The following ANKRD45 variants were observed in gnomAD, a reference collection of about 807,000 sequenced individuals.
ANKRD45 encodes the protein ankyrin repeat domain 45.
A neutral mutation model predicts 28.1 loss-of-function variants in ANKRD45; 21 were observed. The ratio of observed to expected loss-of-function variants is 0.75; its 90% confidence interval spans 0.53 to 1.08. The LOEUF (loss-of-function observed/expected upper bound fraction) is 1.08, where lower values mean the gene tolerates loss of function less well. ANKRD45 is among the 50% of genes least tolerant of loss of function. The pLI is 0.00. For synonymous variants in ANKRD45, 86 were observed against 103.9 expected, an observed-to-expected ratio of 0.83 and a Z score of 1.05; for missense variants, 261 against 308.7, an observed-to-expected ratio of 0.85 and a Z score of 1.16.
intron 2 of ANKRD45, among the ~76,000 whole-genome samples, chr1:173,649,029 C>G (rs1158803491): frequency 3.3e-5 from 5 of 152,084 alleles, no homozygotes; most frequent in Admixed American, 3.3e-4. Context: ...ATTTTTGTCT[C>G]AATATTTTTA....
chr1:173,701,050 C>T, the ANKRD45 span, among the ~76,000 whole-genome samples: 1 of 152,220 alleles, frequency 6.6e-6, no homozygotes, highest in African/African-American at 2.4e-5. Flanking sequence ...TTTCTGCAGC[C>T]AGCAGACACA....
chr1:173,665,377 G>A (rs1172381745), intron 1 of ANKRD45, among the ~76,000 whole-genome samples: 1 of 151,982 alleles, frequency 6.6e-6, no homozygotes, highest in Non-Finnish European at 1.5e-5. Context: ...TTATTCCTAT[G>A]CAAGGTATGA....
intron 2 of ANKRD45, among the ~76,000 whole-genome samples, chr1:173,655,559 C>T (rs1354366543): frequency 6.6e-6 from 1 of 152,198 alleles, no homozygotes; most frequent in Non-Finnish European, 1.5e-5. Context: ...CCCAGTTAGG[C>T]TACATGGGGA....
At chr1:173,635,942 C>T (rs1668420033) in intron 3 of ANKRD45, 7 of 937,036 alleles carry the variant, frequency 7.5e-6, no homozygotes, top group Non-Finnish European at 1.1e-5. Context: ...GTGTTTTATT[C>T]CTCATTGTAA....
At chr1:173,666,653 A>G (rs1670032063) in intron 1 of ANKRD45, among the ~76,000 whole-genome samples, 1 of 152,182 alleles carries the variant, frequency 6.6e-6, no homozygotes, top group Non-Finnish European at 1.5e-5. Context: ...TGTTTTTTCA[A>G]AAAATTTTAG....
intron 3 of ANKRD45, 62 bp from the exon 4 acceptor site, chr1:173,627,221 T>C: frequency 8.8e-7 from 1 of 1,133,874 alleles, no homozygotes; most frequent in Non-Finnish European, 1.3e-6. Context: ...AGCAAGATAG[T>C]CAAATGGAAG....
chr1:173,635,947 T>C (rs1486187685), intron 3 of ANKRD45: 1 of 876,012 alleles, frequency 1.1e-6, no homozygotes, highest in African/African-American at 1.7e-5. Flanking sequence ...TTATTCCTCA[T>C]TGTAACCTTC....
At chr1:173,672,082 C>G (rs1670278823), upstream of ANKRD45, among the ~76,000 whole-genome samples, 1 of 152,112 alleles carries the variant, frequency 6.6e-6, no homozygotes, top group Non-Finnish European at 1.5e-5. Flanking sequence ...TCTTCTGAGG[C>G]AAGAATTAAG....
upstream of ANKRD45, among the ~76,000 whole-genome samples, chr1:173,672,157 CAAGAATA>C (rs1191602842): frequency 1.1e-4 from 16 of 152,062 alleles, no homozygotes; most frequent in Non-Finnish European, 4.4e-5. Flanking sequence ...TTTTGAAATA[CAAGAATA>C]AATTTGAATT....
chr1:173,658,864 AG>A (rs1354151842), intron 2 of ANKRD45: 2 of 554,568 alleles, frequency 3.6e-6, no homozygotes, highest in African/African-American at 3.9e-5. Context: ...TAACTTGCCA[AG>A]TCACACAGCT....
At chr1:173,642,129 A>G (rs1175922511) in intron 3 of ANKRD45, among the ~76,000 whole-genome samples, 1 of 152,200 alleles carries the variant, frequency 6.6e-6, no homozygotes, top group African/African-American at 2.4e-5. Flanking sequence ...GCCCTATCCA[A>G]TGAACTTGCC....
chr1:173,695,896 C>T, the ANKRD45 span, among the ~76,000 whole-genome samples: 1 of 152,126 alleles, frequency 6.6e-6, no homozygotes, highest in Non-Finnish European at 1.5e-5. Flanking sequence ...TAAATTTTAG[C>T]CAGACCGGTT....
the ANKRD45 span, among the ~76,000 whole-genome samples, chr1:173,710,580 C>G: frequency 1.2e-4 from 18 of 152,134 alleles, no homozygotes; most frequent in Non-Finnish European, 2.4e-4. Context: ...TGTACACATG[C>G]TCACTTGAGG....
the ANKRD45 span, chr1:173,675,202 C>A: frequency 4.8e-6 from 1 of 208,830 alleles, no homozygotes; most frequent in South Asian, 4.9e-5. Flanking sequence ...AGCTTCAGTT[C>A]GCAGGGCTTT....
chr1:173,622,105 G>GA (rs1667732590), intron 5 of ANKRD45, among the ~76,000 whole-genome samples: 1 of 152,158 alleles, frequency 6.6e-6, no homozygotes, highest in Non-Finnish European at 1.5e-5. Context: ...GTCAAGGGAA[G>GA]TGAACAACCT....
At chr1:173,689,070 T>C in the ANKRD45 span, among the ~76,000 whole-genome samples, 1 of 152,148 alleles carries the variant, frequency 6.6e-6, no homozygotes, top group African/African-American at 2.4e-5. Flanking sequence ...GGACTCAATA[T>C]AAAAAAGACA....
intron 5 of ANKRD45, among the ~76,000 whole-genome samples, chr1:173,623,441 T>C (rs937478129): frequency 1.3e-5 from 2 of 152,098 alleles, no homozygotes; most frequent in African/African-American, 4.8e-5. Context: ...ATGGCAATTA[T>C]TAAAAAGCCC....
chr1:173,634,352 C>T (rs184331058), intron 3 of ANKRD45, among the ~76,000 whole-genome samples: 1 of 152,006 alleles, frequency 6.6e-6, no homozygotes. Context: ...TCTGTATCTC[C>T]CTACTAGAAA....
At chr1:173,675,935 A>G in the ANKRD45 span, among the ~76,000 whole-genome samples, 1 of 152,212 alleles carries the variant, frequency 6.6e-6, no homozygotes, top group African/African-American at 2.4e-5. Flanking sequence ...AAGCCCAGCC[A>G]TGGATTTGTA....
Sources: allele counts gnomAD v4.1 joint callset (sites outside exome capture counted in the v4.1 genomes callset), GRCh38; gene constraint gnomAD v4.1.1; transcripts MANE v1.5; gene names NCBI Gene and HGNC (gene_info 2026-07-23, HGNC 2026-07-21).